PIDD1: variants seen among roughly 807,000 people sequenced by gnomAD.
PIDD1 encodes the protein p53-induced death domain protein 1.
In PIDD1, 72 loss-of-function variants were observed where a neutral mutation model predicts 80.0. The ratio of observed to expected loss-of-function variants is 0.90; its 90% CI spans 0.74 to 1.09. The LOEUF (loss-of-function observed/expected upper bound fraction) is 1.09. PIDD1 is among the 50% of genes least tolerant of loss of function. PIDD1 has a pLI of 0.00. For missense variants in PIDD1, 1,329 were observed against 1,228.3 expected (o/e 1.08, Z -1.23); for synonymous variants, 655 against 543.5 (o/e 1.21, Z -2.85).
rs745705288 is a variant in PIDD1, at chr11:799,354, G to C, written c.2686C>G (p.Leu896Val). The change falls in exon 16 of 16, where the codon CTG (leucine) becomes GTG (valine). Residue 896 changes from leucine to valine, a missense_variant. Leu to Val is a conservative substitution (Grantham distance 32). Transcript: ENST00000347755. ...RMGLAPKDPALPGSSAPQPPE... is the reference protein window; with the variant it reads ...RMGLAPKDPAVPGSSAPQPPE... ...GGCTGTGGAGCCGAGGAGCCAGGCA[G>C]AGCGGGGTCCTTGGGGGCCAAGCCC... 1 of 1,610,906 alleles carries C rather than the reference G, an allele frequency of 6.2e-7. No individual in the cohort carries two copies. The highest frequency in any genetic ancestry group is 1.7e-5 in the Admixed American group (1 of 59,982).
At chr11:806,537 T>C (rs1396685894), upstream of PIDD1, among the ~76,000 whole-genome samples, 2 of 151,722 alleles carry the variant, frequency 1.3e-5, no homozygotes, top group Non-Finnish European at 2.9e-5. Flanking sequence ...CAGGCCTCCC[T>C]GCTTCCATTC....
chr11:803,016 C>T lies in PIDD1; in HGVS notation c.710-125G>A, dbSNP rs773870824. 4 of 1,029,756 alleles carry T rather than the reference C, an allele frequency of 3.9e-6. No homozygotes were observed. The Admixed American group carries it at 7.2e-5, about 19-fold the overall frequency. 63.8% of individuals were successfully genotyped at this position (1,029,756 alleles called of 1,614,324 possible). ...CACAGCTGGGCTCAGAGAACTCTGA[C>T]AAAGCCACTGAGGGAGTCTCAAAGG... On this transcript the variant is annotated intron_variant, in intron 3 of 15. Transcript: ENST00000347755.
chr11:803,702 A>G (rs879801304), intron 2 of PIDD1, 115 bp from the exon 3 acceptor site: 1 of 1,153,624 alleles, frequency 8.7e-7, no homozygotes, highest in East Asian at 2.7e-5. Context: ...CCCCACCCCC[A>G]CCCCAGCCAG....
Position 800,371 on chromosome 11 carries a change from T to G in PIDD1, c.2122A>C (p.Thr708Pro). The part of the protein sequence containing the change: ...LKNVKEVYVT[T>P]TLDREAQAVR... ...GCCTGAGCCTCCCGGTCCAGAGTGG[T>G]GGTCACGTATACCTCCTTCACATTC... is the stretch of plus-strand genomic sequence containing the variant. The change falls in exon 13 of 16, where the codon ACC (threonine) becomes CCC (proline). Residue 708 changes from threonine (T) to proline (P), a missense_variant. By Grantham distance (38) the Thr-to-Pro change is conservative. Transcript: ENST00000347755. 2 of 1,608,258 alleles carry G rather than the reference T, an allele frequency of 1.2e-6. No individual in the cohort carries two copies. The highest frequency in any genetic ancestry group is 2.2e-5 in the East Asian group (1 of 44,734).
chr11:802,522 C>A, intron 5 of PIDD1, 21 bp downstream of exon 5: 5 of 1,611,802 alleles, frequency 3.1e-6, no homozygotes, highest in Non-Finnish European at 4.2e-6. Context: ...TCCCCTCCAG[C>A]CCCCTCAACC....
chr11:807,516 G>A (rs1210617978), upstream of PIDD1, among the ~76,000 whole-genome samples: 4 of 148,712 alleles, frequency 2.7e-5, no homozygotes, highest in Admixed American at 6.7e-5. Flanking sequence ...GGTGGCTCAC[G>A]CCTCTAATCC....
upstream of PIDD1, among the ~76,000 whole-genome samples, chr11:807,807 T>C (rs1865854057): frequency 6.6e-6 from 1 of 152,128 alleles, no homozygotes; most frequent in Non-Finnish European, 1.5e-5. Context: ...AATCCACTTA[T>C]AACTGCTGCT....
chr11:805,693 C>T (rs1865733896), upstream of PIDD1: 24 of 985,274 alleles, frequency 2.4e-5, no homozygotes, highest in Non-Finnish European at 2.8e-5. Flanking sequence ...CCTGCCAGGA[C>T]CTCCTCTCTG....
At chr11:803,811 CA>C in intron 2 of PIDD1, 1 of 635,736 alleles carries the variant, frequency 1.6e-6, no homozygotes, top group Non-Finnish European at 2.7e-6. Flanking sequence ...CCATCACCCA[CA>C]ACCTTCCCCA....
At position 803,449 on chromosome 11, in the gene PIDD1, A is replaced by G. The variant is rs989818671; in HGVS notation, c.434T>C (p.Leu145Pro). The change falls in exon 3 of 16, where the codon CTG (leucine) becomes CCG (proline). Residue 145 changes from leucine to proline, a missense_variant. Leu to Pro is a moderately conservative substitution (Grantham distance 98). Coordinates refer to ENST00000347755, the MANE Select transcript of PIDD1 (RefSeq NM_145886.4). ...NSLETLPACV[L>P]QMRGLGALLL... ...GAGCGCACCCAGACCTCGCATCTGC[A>G]GGACACAGGCCGGCAGTGTCTCCAG... The G allele has an allele frequency of 1.9e-6, 3 of 1,613,716 alleles. No homozygotes were observed. Among genetic ancestry groups the G allele is most frequent in the Admixed American group, 1.7e-5 (1 of 60,000 alleles).
At chr11:801,709 C>G (rs577541545) in intron 7 of PIDD1, 85 bp from the exon 8 acceptor site, 6 of 1,173,944 alleles carry the variant, frequency 5.1e-6, no homozygotes, top group Non-Finnish European at 7.2e-6. Flanking sequence ...CCAGGAGAGA[C>G]GGGGCGGGGT....
chr11:799,698 G>C (rs1865071796), intron 15 of PIDD1, 117 bp downstream of exon 15: 1 of 1,376,892 alleles, frequency 7.3e-7, no homozygotes, highest in Non-Finnish European at 9.6e-7. Context: ...TTTCCAGCCT[G>C]GTGTTTGCCC....
In PIDD1 at chr11:801,234, C is replaced by A; in HGVS notation, c.1614G>T (p.Leu538=). 1 of 1,559,156 alleles carries A rather than the reference C, an allele frequency of 6.4e-7. No individual in the cohort carries two copies. The highest frequency in any genetic ancestry group is 1.2e-5 in the South Asian group (1 of 82,878). ...GCCTCTCACCTGTGATGCCAGAGGG[C>A]AGAGGCAGCTGCACGGTGACCGGTT... The part of the protein sequence containing the change: ...FLQPVTVQLP[L]PSGITGLSLD... The change falls in exon 9 of 16, where the codon CTG becomes CTT. Residue 538 remains leucine, a synonymous_variant. Coordinates refer to ENST00000347755, the MANE Select transcript of PIDD1 (RefSeq NM_145886.4).
At chr11:802,156 CCT>C (rs766271584) in intron 6 of PIDD1, 37 bp downstream of exon 6, 1 of 1,565,942 alleles carries the variant, frequency 6.4e-7, no homozygotes, top group African/African-American at 1.4e-5. Flanking sequence ...CCTGCCATGC[CCT>C]GGCCCACACA....
upstream of PIDD1, among the ~76,000 whole-genome samples, chr11:807,434 G>A (rs1488838187): frequency 1.1e-4 from 16 of 147,888 alleles, 1 homozygote; most frequent in Admixed American, 1.1e-3. Flanking sequence ...AGCTGAGATT[G>A]CGCCACTGCA....
chr11:802,794 G>A lies in PIDD1; in HGVS notation c.807C>T (p.Asp269=), dbSNP rs780135216. The A allele has an allele frequency of 4.0e-5, 65 of 1,605,360 alleles. No homozygotes were observed. The South Asian group carries it at 6.9e-4, about 17-fold the overall frequency. Residue 269 remains aspartate (D), a synonymous_variant, in exon 4 of 16, where the codon GAC becomes GAT. Coordinates refer to ENST00000347755, the MANE Select transcript of PIDD1 (RefSeq NM_145886.4). ...LARLPLLTRL[D]LRDNQLRDLP... Reference sequence around the variant, plus strand: ...GGTCCCGGAGCTGGTTGTCCCTCAGGTCGAGCCGGGTGAGGAGTGGAAGGC... The same window carrying A: ...GGTCCCGGAGCTGGTTGTCCCTCAGATCGAGCCGGGTGAGGAGTGGAAGGC...
chr11:807,304 G>A (rs1865829904), upstream of PIDD1, among the ~76,000 whole-genome samples: 1 of 150,452 alleles, frequency 6.6e-6, no homozygotes. Context: ...TGGCTAACAA[G>A]GTGAAACCCT....
At chr11:805,551 C>T, upstream of PIDD1, 1 of 930,090 alleles carries the variant, frequency 1.1e-6, no homozygotes, top group African/African-American at 1.8e-5. Flanking sequence ...CCGAGGCAGA[C>T]CCGGCCCCAG....
chr11:807,347 C>T (rs1214972788), upstream of PIDD1, among the ~76,000 whole-genome samples: 4 of 150,786 alleles, frequency 2.7e-5, no homozygotes, highest in South Asian at 2.1e-4. Context: ...GGCGTGGTGG[C>T]GGGCGCCTGT....
Sources: gnomAD v4.1 joint callset for allele counts (sites outside exome capture counted in the v4.1 genomes callset) on GRCh38, gnomAD v4.1.1 for gene constraint, MANE v1.5 for transcripts, NCBI Gene and HGNC (gene_info 2026-07-23, HGNC 2026-07-21) for gene names.